Variants in PEAK1 observed in about 807,000 individuals in gnomAD.
PEAK1 encodes the protein pseudopodium enriched atypical kinase 1.
Under a neutral mutation model 124.7 loss-of-function variants are expected in PEAK1, and 54 were observed. The observed-to-expected ratio is 0.43, with a 90% CI of 0.35 to 0.54. The LOEUF (loss-of-function observed/expected upper bound fraction) is 0.54, where lower values mean the gene tolerates loss of function less well. Ranked by LOEUF, PEAK1 falls within the 20% of genes least tolerant of loss-of-function variation. The pLI is 0.01. For missense variants in PEAK1, 2,046 were observed against 2,134.5 expected (o/e 0.96, Z 0.82); for synonymous variants, 719 against 760.0 (o/e 0.95, Z 0.89).
chr15:77,245,804 T>C (rs1025563200), intron 6 of PEAK1, among the ~76,000 whole-genome samples: 2 of 152,240 alleles, frequency 1.3e-5, no homozygotes, highest in African/African-American at 4.8e-5. Context: ...ATTTCTGGAC[T>C]ATTTATTCTG....
chr15:77,302,029 T>G (rs2063813809), intron 2 of PEAK1, among the ~76,000 whole-genome samples: 1 of 152,098 alleles, frequency 6.6e-6, no homozygotes, highest in Non-Finnish European at 1.5e-5. Flanking sequence ...CTTGACATAC[T>G]CCTATCGTTG....
chr15:77,326,190 C>A (rs1339711779), intron 2 of PEAK1, among the ~76,000 whole-genome samples: 1 of 152,102 alleles, frequency 6.6e-6, no homozygotes, highest in African/African-American at 2.4e-5. Context: ...CTTCCCCCAA[C>A]ACACAGATTC....
At chr15:77,189,251 T>G (rs768821543) in intron 6 of PEAK1, among the ~76,000 whole-genome samples, 17 of 152,108 alleles carry the variant, frequency 1.1e-4, no homozygotes, top group Non-Finnish European at 1.6e-4. Flanking sequence ...AACTCTATGA[T>G]AGACATACTA....
intron 5 of PEAK1, among the ~76,000 whole-genome samples, chr15:77,254,898 T>C (rs1385721020): frequency 4.6e-5 from 7 of 152,068 alleles, no homozygotes; most frequent in Non-Finnish European, 1.0e-4. Context: ...CATGGACAAA[T>C]AATAAACTGA....
chr15:77,355,056 C>A (rs1034561574), intron 2 of PEAK1, among the ~76,000 whole-genome samples: 7 of 150,270 alleles, frequency 4.7e-5, no homozygotes, highest in African/African-American at 7.3e-5. Context: ...AAAAAAAAAA[C>A]CACTTAACTC....
chr15:77,108,498 C>T lies in PEAK1; in HGVS notation c.*5658G>A, dbSNP rs1213566953. Reference sequence around the variant, plus strand: ...GCATATCCTCAACAGAAAATCCCAACCCAGTGTGTTCATACATCACACTCT... The same window carrying T: ...GCATATCCTCAACAGAAAATCCCAATCCAGTGTGTTCATACATCACACTCT... On this transcript the variant is annotated 3_prime_UTR_variant, in exon 10 of 10. Transcript: ENST00000682557. 6.6e-6 allele frequency: 1 copy of T among 152,144 alleles called. No individual in the cohort carries two copies. Among genetic ancestry groups the T allele is most frequent in the Admixed American group, 6.5e-5 (1 of 15,278 alleles). 9.4% of individuals were successfully genotyped at this position (152,144 alleles called of 1,614,324 possible).
chr15:77,253,598 T>C (rs2060985086), intron 5 of PEAK1, among the ~76,000 whole-genome samples: 1 of 152,120 alleles, frequency 6.6e-6, no homozygotes, highest in Non-Finnish European at 1.5e-5. Context: ...AATGTGAAAT[T>C]GTCTTACTTT....
At chr15:77,300,568 T>C (rs1211880385) in intron 2 of PEAK1, among the ~76,000 whole-genome samples, 1 of 152,186 alleles carries the variant, frequency 6.6e-6, no homozygotes, top group Non-Finnish European at 1.5e-5. Context: ...ATTACGAACA[T>C]TTTACATTAG....
At chr15:77,330,027 C>A (rs1336059160) in intron 2 of PEAK1, among the ~76,000 whole-genome samples, 1 of 151,868 alleles carries the variant, frequency 6.6e-6, no homozygotes, top group African/African-American at 2.4e-5. Context: ...AAAAAAAATT[C>A]TTAAAATTTT....
chr15:77,249,127 C>T (rs976830385), intron 6 of PEAK1, among the ~76,000 whole-genome samples: 24 of 151,980 alleles, frequency 1.6e-4, no homozygotes, highest in African/African-American at 5.1e-4. Context: ...TGGCCTATTA[C>T]TACTATTGAA....
At chr15:77,346,047 G>A (rs1341462260) in intron 2 of PEAK1, 1 of 985,284 alleles carries the variant, frequency 1.0e-6, no homozygotes, top group Admixed American at 6.2e-5. Context: ...ATTCAAAAAT[G>A]CCTGTCCCTT....
chr15:77,337,639 T>C lies in PEAK1; in HGVS notation c.-603+27524A>G, dbSNP rs560216566. ...TTTACCATGGATTAATTCCCATGAA[T>C]GAGATGAAATCTAAAACCATGGCAT... On this transcript the variant is annotated intron_variant, in intron 2 of 9. Coordinates refer to ENST00000682557, the MANE Select transcript of PEAK1 (RefSeq NM_001385026.1). 136 of 985,444 alleles carry C rather than the reference T, an allele frequency of 1.4e-4. 1 individual carries two copies. The African/African-American group carries it at 2.3e-3, about 17-fold the overall frequency. 61.0% of individuals were successfully genotyped at this position (985,444 alleles called of 1,614,324 possible). A position where few individuals can be genotyped will look rare whatever the true frequency, so the allele number is the denominator to read the frequency against.
At chr15:77,393,605 G>C (rs975851450) in intron 1 of PEAK1, among the ~76,000 whole-genome samples, 2 of 152,176 alleles carry the variant, frequency 1.3e-5, no homozygotes, top group Non-Finnish European at 2.9e-5. Flanking sequence ...GGACTCCTTG[G>C]CCCTGAATAA....
chr15:77,206,786 A>C lies in PEAK1; in HGVS notation c.-114-24746T>G, dbSNP rs569676919. ...CTCCCATTTTGTAGGTTGCCTGTTC[A>C]CTCTGATGGTAGTTTCTTTTGCTGT... On this transcript the variant is annotated intron_variant, in intron 6 of 9. Coordinates refer to ENST00000682557, the MANE Select transcript of PEAK1 (RefSeq NM_001385026.1). Among the ~76,000 whole-genome samples the C allele has an allele frequency of 5.0e-3, 755 of 151,946 alleles. 4 individuals carry two copies. Among genetic ancestry groups the C allele is most frequent in the African/African-American group, 0.016 (651 of 41,414 alleles).
chr15:77,206,271 A>G (rs1041905490), intron 6 of PEAK1, among the ~76,000 whole-genome samples: 151 of 146,530 alleles, frequency 1.0e-3, no homozygotes, highest in African/African-American at 3.5e-3. Flanking sequence ...ATTGTGAATA[A>G]TGCCGCAATA....
chr15:77,181,383 C>A lies in PEAK1; in HGVS notation c.544G>T (p.Asp182Tyr). ...SRETFLGRIN[D>Y]CYKRSLERKL... is the part of the protein sequence containing the mutation. ...CTTTCCAATGATCGTTTATAGCAAT[C>A]ATTTATTCTTCCCAAGAATGTTTCT... Residue 182 changes from aspartate to tyrosine, a missense_variant, in exon 7 of 10, where the codon GAT becomes TAT. Transcript: ENST00000682557. The A allele has an allele frequency of 6.2e-7, 1 of 1,614,130 alleles. No homozygotes were observed. The highest frequency in any genetic ancestry group is 8.5e-7 in the Non-Finnish European group (1 of 1,180,020).
In PEAK1 at chr15:77,114,220, T is replaced by C. The variant is rs748032799; in HGVS notation, c.5177A>G (p.Gln1726Arg). 6.2e-7 allele frequency: 1 copy of C among 1,614,210 alleles called. No individual in the cohort carries two copies. The highest frequency in any genetic ancestry group is 8.5e-7 in the Non-Finnish European group (1 of 1,180,036). Reference sequence around the variant, plus strand: ...GTCTGTAGTGGCAAAAGCCAAATACTGAGCACAAAGCCAGTCCTCAAGGCT... The same window carrying C: ...GTCTGTAGTGGCAAAAGCCAAATACCGAGCACAAAGCCAGTCCTCAAGGCT... Reference protein sequence around the residue: ...GISLEDWLCAQYLAFATTDSL... With the variant: ...GISLEDWLCARYLAFATTDSL... The change falls in exon 10 of 10, where the codon CAG (glutamine) becomes CGG (arginine). Residue 1726 changes from glutamine to arginine, a missense_variant. Coordinates refer to ENST00000682557, the MANE Select transcript of PEAK1 (RefSeq NM_001385026.1).
intron 3 of PEAK1, among the ~76,000 whole-genome samples, chr15:77,285,939 T>C (rs916145071): frequency 6.6e-6 from 1 of 152,150 alleles, no homozygotes; most frequent in Non-Finnish European, 1.5e-5. Context: ...TCTTTTAATT[T>C]CGATGTTAGA....
At position 77,334,664 on chromosome 15, in the gene PEAK1, T is replaced by A. The variant is rs75962562; in HGVS notation, c.-603+30499A>T. 1,613 of 985,348 alleles carry A rather than the reference T, an allele frequency of 1.6e-3. 21 individuals are homozygous for A. In the African/African-American group the frequency reaches 0.026, roughly 16 times the overall value. 61.0% of individuals were successfully genotyped at this position (985,348 alleles called of 1,614,324 possible). ...TATTTTTATTTGTATTACTTTTGGA[T>A]CAGCATCATTTCCATCTATTTTTTT... On this transcript the variant is annotated intron_variant, in intron 2 of 9. Coordinates refer to ENST00000682557, the MANE Select transcript of PEAK1 (RefSeq NM_001385026.1).
Sources: allele counts gnomAD v4.1 joint callset (sites outside exome capture counted in the v4.1 genomes callset), GRCh38; gene constraint gnomAD v4.1.1; transcripts MANE v1.5; gene names NCBI Gene and HGNC (gene_info 2026-07-23, HGNC 2026-07-21).